COMMD7: variants seen among roughly 807,000 people sequenced by gnomAD.
The protein encoded by COMMD7 is COMM domain-containing protein 7.
A neutral mutation model predicts 34.8 loss-of-function variants in COMMD7; 28 were observed. The ratio of observed to expected loss-of-function variants is 0.80; its 90% CI spans 0.60 to 1.10. The LOEUF (loss-of-function observed/expected upper bound fraction) is 1.10. COMMD7 is among the 50% of genes least tolerant of loss of function. The pLI, the probability that COMMD7 is intolerant of heterozygous loss-of-function variation, is 0.00. For missense variants in COMMD7, 211 were observed against 241.6 expected (o/e 0.87, Z 0.84); for synonymous variants, 80 against 86.4 (o/e 0.93, Z 0.41).
chr20:32,737,683 A>T (rs569815369), intron 1 of COMMD7, among the ~76,000 whole-genome samples: 7 of 151,912 alleles, frequency 4.6e-5, no homozygotes, highest in Admixed American at 2.6e-4. Flanking sequence ...ATTAAAAAAT[A>T]AAAAATTAGC....
intron 1 of COMMD7, among the ~76,000 whole-genome samples, chr20:32,728,629 C>T (rs981596275): frequency 6.6e-6 from 1 of 152,004 alleles, no homozygotes; most frequent in African/African-American, 2.4e-5. Flanking sequence ...TGCAGTGATG[C>T]AATCTCGGCT....
intron 1 of COMMD7, among the ~76,000 whole-genome samples, chr20:32,736,349 TAGG>T (rs2145784025): frequency 6.6e-6 from 1 of 152,252 alleles, no homozygotes; most frequent in South Asian, 2.1e-4. Flanking sequence ...AGTTGCTTAT[TAGG>T]AGAAAGGTTT....
Position 32,743,303 on chromosome 20 carries a change from C to T in COMMD7, c.84+5G>A. 6.7e-7 allele frequency: 1 copy of T among 1,503,520 alleles called. No individual in the cohort carries two copies. Among genetic ancestry groups the T allele is most frequent in the Non-Finnish European group, 8.8e-7 (1 of 1,131,138 alleles). 93.1% of individuals were successfully genotyped at this position (1,503,520 alleles called of 1,614,324 possible). On this transcript the variant is annotated splice_donor_5th_base_variant and intron_variant, in intron 1 of 8. Coordinates refer to ENST00000278980, the MANE Select transcript of COMMD7 (RefSeq NM_053041.3). ...CCGCGCCCCACGCCCCGCCGCCGGG[C>T]CCACCTGCGCGCCCAGCTGGTTCAG...
intron 1 of COMMD7, among the ~76,000 whole-genome samples, chr20:32,735,222 C>T (rs1447542073): frequency 7.8e-6 from 1 of 128,276 alleles, no homozygotes; most frequent in Non-Finnish European, 1.7e-5. Context: ...TGGGCAACAG[C>T]GCGAGACTCA....
chr20:32,724,207 C>T (rs1239721393), intron 3 of COMMD7, among the ~76,000 whole-genome samples: 2 of 24,372 alleles, frequency 8.2e-5, no homozygotes, highest in East Asian at 7.2e-4. Context: ...TCTGCCCGGC[C>T]GCCCCTACTG....
intron 1 of COMMD7, among the ~76,000 whole-genome samples, chr20:32,737,359 G>A (rs1313276126): frequency 4.7e-5 from 1 of 21,186 alleles, no homozygotes; most frequent in South Asian, 1.9e-3. Context: ...AACAGAGCAA[G>A]ACTCCGTCTC....
intron 3 of COMMD7, among the ~76,000 whole-genome samples, chr20:32,718,712 A>G (rs1008234139): frequency 1.1e-4 from 16 of 152,062 alleles, no homozygotes; most frequent in Non-Finnish European, 2.4e-4. Flanking sequence ...TAAATACATT[A>G]ATAAAATAAA....
rs373712551 is a variant in COMMD7 at position 32,732,082 on chromosome 20, A to C, written c.85-3940T>G. Among the ~76,000 whole-genome samples, 8 of 152,108 alleles carry C rather than the reference A, an allele frequency of 5.3e-5. No individual in the cohort carries two copies. In the East Asian group the frequency reaches 9.6e-4, roughly 18 times the overall value. On this transcript the variant is annotated intron_variant, in intron 1 of 8. Coordinates refer to ENST00000278980, the MANE Select transcript of COMMD7 (RefSeq NM_053041.3). ...TTCTAGGGGCAATTTCACAATGTGC[A>C]TCTAACTTGTATTTTTTTGAGGCAG...
At chr20:32,706,964 T>G (rs769853790) in intron 3 of COMMD7, among the ~76,000 whole-genome samples, 3 of 151,942 alleles carry the variant, frequency 2.0e-5, no homozygotes, top group Non-Finnish European at 4.4e-5. Flanking sequence ...ACAATTTATT[T>G]ATTTTATTTA....
intron 3 of COMMD7, among the ~76,000 whole-genome samples, chr20:32,709,772 T>C (rs575493640): frequency 2.0e-4 from 30 of 152,322 alleles, no homozygotes; most frequent in South Asian, 1.4e-3. Context: ...CCTGGCCATT[T>C]GCCCTTGCAG....
chr20:32,728,254 T>C (rs964916031), intron 1 of COMMD7, 112 bp from the exon 2 acceptor site: 5 of 937,340 alleles, frequency 5.3e-6, no homozygotes, highest in Middle Eastern at 2.2e-4. Flanking sequence ...AGCCAGGTGT[T>C]ATGCCTGTTC....
At chr20:32,704,000 C>CT (rs751134209) in intron 8 of COMMD7, 23 bp downstream of exon 8, 2 of 1,613,948 alleles carry the variant, frequency 1.2e-6, no homozygotes, top group Admixed American at 3.3e-5. Flanking sequence ...GGTGAAGAGG[C>CT]TCAAGTGGGA....
intron 8 of COMMD7, chr20:32,703,816 C>G: frequency 6.5e-7 from 1 of 1,532,648 alleles, no homozygotes; most frequent in Non-Finnish European, 8.7e-7. Flanking sequence ...TTCAAAACGG[C>G]TCTTCAACTG....
chr20:32,704,176 A>T, intron 7 of COMMD7, 105 bp from the exon 8 acceptor site: 2 of 981,948 alleles, frequency 2.0e-6, no homozygotes, highest in Non-Finnish European at 3.0e-6. Flanking sequence ...AGAGTCATAC[A>T]GGAGCAGTCT....
chr20:32,704,763 A>T (rs374354058), intron 6 of COMMD7, 51 bp downstream of exon 6: 749 of 1,370,822 alleles, frequency 5.5e-4, no homozygotes, highest in Non-Finnish European at 7.6e-4. Context: ...CAGCCTCTGC[A>T]CCCCAACCCT....
intron 3 of COMMD7, among the ~76,000 whole-genome samples, chr20:32,708,713 G>A (rs1984244377): frequency 7.5e-6 from 1 of 134,196 alleles, no homozygotes; most frequent in Non-Finnish European, 1.6e-5. Context: ...CCAGGCTGGA[G>A]TGCAGTTGGG....
chr20:32,708,718 G>A (rs963856900), intron 3 of COMMD7, among the ~76,000 whole-genome samples: 8 of 120,884 alleles, frequency 6.6e-5, no homozygotes, highest in African/African-American at 2.2e-4. Flanking sequence ...CTGGAGTGCA[G>A]TTGGGCAATC....
In COMMD7 at chr20:32,727,971, A is replaced by G. The variant is rs1985613413; in HGVS notation, c.163T>C (p.Ser55Pro). ...ATCTGATTGGTGGTGGCAAATTCAG[A>G]GAGCTGAGCCAGAAATCTTTCCACC... Reference protein sequence around the residue: ...KEVERFLAQLSEFATTNQISL... With the variant: ...KEVERFLAQLPEFATTNQISL... The change falls in exon 3 of 9, where the codon TCT (serine) becomes CCT (proline). Residue 55 changes from serine to proline, a missense_variant. By Grantham distance (74) the Ser-to-Pro change is moderately conservative (BLOSUM62 -1). Transcript: ENST00000278980. The G allele has an allele frequency of 1.9e-6, 3 of 1,614,038 alleles. No individual in the cohort carries two copies. The South Asian group carries it at 3.3e-5, about 18-fold the overall frequency.
At chr20:32,722,454 A>T (rs969650528) in intron 3 of COMMD7, among the ~76,000 whole-genome samples, 1 of 151,996 alleles carries the variant, frequency 6.6e-6, no homozygotes, top group Admixed American at 6.6e-5. Flanking sequence ...GCCGGGTGTG[A>T]TGGCTCATGC....
Sources: allele counts gnomAD v4.1 joint callset (sites outside exome capture counted in the v4.1 genomes callset), GRCh38; gene constraint gnomAD v4.1.1; transcripts MANE v1.5; gene names NCBI Gene and HGNC (gene_info 2026-07-23, HGNC 2026-07-21).